The following MACROD2 variants were observed in gnomAD, a reference collection of about 807,000 sequenced individuals.
MACROD2 encodes the protein ADP-ribose glycohydrolase MACROD2.
MACROD2 carries 36 observed loss-of-function variants against 70.4 expected under a neutral mutation model. The ratio of observed to expected loss-of-function variants is 0.51; its 90% CI spans 0.39 to 0.68. The LOEUF is 0.68. Among genes scored for constraint, MACROD2 ranks in the 30% least tolerant of loss-of-function variants. MACROD2 has a pLI of 0.00. For synonymous variants in MACROD2, 172 were observed against 178.8 expected, an observed-to-expected ratio of 0.96 and a Z score of 0.30; for missense variants, 496 against 538.4, an observed-to-expected ratio of 0.92 and a Z score of 0.78.
At chr20:15,905,815 C>T (rs1601101838) in intron 10 of MACROD2, among the ~76,000 whole-genome samples, 2 of 152,242 alleles carry the variant, frequency 1.3e-5, no homozygotes, top group East Asian at 3.9e-4. Context: ...GGATTCACGC[C>T]ACACTCTCCT....
chr20:15,723,400 A>C (rs188514852), intron 8 of MACROD2, among the ~76,000 whole-genome samples: 160 of 152,318 alleles, frequency 1.1e-3, no homozygotes, highest in Admixed American at 5.6e-3. Context: ...TATCTTACAG[A>C]GTATTTTCAC....
intron 5 of MACROD2, among the ~76,000 whole-genome samples, chr20:14,977,014 A>T (rs2074746213): frequency 6.6e-6 from 1 of 152,210 alleles, no homozygotes; most frequent in African/African-American, 2.4e-5. Flanking sequence ...TTTCTCTAAA[A>T]TCAATGATCA....
intron 3 of MACROD2, among the ~76,000 whole-genome samples, chr20:14,211,274 T>C (rs867105289): frequency 6.6e-6 from 1 of 152,194 alleles, no homozygotes; most frequent in African/African-American, 2.4e-5. Flanking sequence ...TTATTTCACC[T>C]TTGTAAGCCT....
Position 15,534,529 on chromosome 20 carries a change from A to G in MACROD2, c.645+34682A>G, listed in dbSNP as rs2047847978. On this transcript the variant is annotated intron_variant, in intron 8 of 17. Coordinates refer to ENST00000684519, the MANE Select transcript of MACROD2 (RefSeq NM_001351661.2). The stretch of plus-strand genomic sequence containing the variant: ...CCCTTACAGGCTCTTTCTTGACTGA[A>G]CAAAAGTAATTTATGCTTTTTTTTT... Among the ~76,000 whole-genome samples, 3 of 152,216 alleles carry G rather than the reference A, an allele frequency of 2.0e-5. No individual in the cohort carries two copies. The South Asian group carries it at 6.2e-4, about 32-fold the overall frequency.
At chr20:14,137,588 A>G (rs2054816220) in intron 3 of MACROD2, among the ~76,000 whole-genome samples, 1 of 152,198 alleles carries the variant, frequency 6.6e-6, no homozygotes, top group African/African-American at 2.4e-5. Context: ...CATGAAAATA[A>G]GAGAAATCAT....
intron 17 of MACROD2, among the ~76,000 whole-genome samples, chr20:16,046,675 CTTTTTTTT>C (rs557907668): frequency 5.8e-4 from 50 of 85,506 alleles, no homozygotes; most frequent in African/African-American, 2.4e-3. Context: ...GGTGTCAAAA[CTTTTTTTT>C]TTTTTTTTTT....
At chr20:14,685,244 A>T (rs1940033440) in intron 5 of MACROD2, among the ~76,000 whole-genome samples, 1 of 152,134 alleles carries the variant, frequency 6.6e-6, no homozygotes, top group African/African-American at 2.4e-5. Context: ...AAGGGAAATA[A>T]AAACATGAGC....
In MACROD2 at chr20:15,029,060, A is replaced by G. The variant is rs561604501; in HGVS notation, c.419-200880A>G. Among the ~76,000 whole-genome samples, 4 of 152,292 alleles carry G rather than the reference A, an allele frequency of 2.6e-5. No homozygotes were observed. In the South Asian group the frequency reaches 6.2e-4, roughly 24 times the overall value. On this transcript the variant is annotated intron_variant, in intron 5 of 17. Transcript: ENST00000684519. The stretch of plus-strand genomic sequence containing the variant: ...ATGTTGGCCTGCTGGCTCACAGGGC[A>G]TGGGGAGCAAGTTCACATAAGGCAG...
In MACROD2 at chr20:14,713,175, T is replaced by C. The variant is rs114867068; in HGVS notation, c.418+28216T>C. 4.6e-3 allele frequency among the ~76,000 whole-genome samples: 694 copies of C among 152,174 alleles called. 1 individual carries two copies. Among genetic ancestry groups the C allele is most frequent in the African/African-American group, 0.016 (669 of 41,512 alleles). On this transcript the variant is annotated intron_variant, in intron 5 of 17. Transcript: ENST00000684519. Reference sequence around the variant, plus strand: ...TACATGTGCCTTAGAGTAGAGGTAATTGGAAGACTTGAGGAGAAATTACTC... The same window carrying C: ...TACATGTGCCTTAGAGTAGAGGTAACTGGAAGACTTGAGGAGAAATTACTC...
intron 6 of MACROD2, among the ~76,000 whole-genome samples, chr20:15,284,782 A>G (rs1323043566): frequency 3.3e-5 from 5 of 152,226 alleles, no homozygotes; most frequent in Non-Finnish European, 7.3e-5. Context: ...CACTGGCTGT[A>G]TACCCTTGCC....
intron 5 of MACROD2, among the ~76,000 whole-genome samples, chr20:14,988,424 T>TG (rs1157400213): frequency 6.6e-6 from 1 of 151,460 alleles, no homozygotes; most frequent in Admixed American, 6.6e-5. Flanking sequence ...CCTGTGTTTA[T>TG]GGGGAACAGT....
chr20:15,973,189 C>G (rs2066256688), intron 13 of MACROD2, among the ~76,000 whole-genome samples: 1 of 151,770 alleles, frequency 6.6e-6, no homozygotes. Context: ...ATTGATATCT[C>G]TATATTTTGT....
At chr20:15,244,342 G>C (rs1040393719) in intron 6 of MACROD2, among the ~76,000 whole-genome samples, 1 of 152,156 alleles carries the variant, frequency 6.6e-6, no homozygotes. Context: ...AAGTACACTA[G>C]CCATAGTAAG....
intron 5 of MACROD2, among the ~76,000 whole-genome samples, chr20:15,206,521 C>A (rs1038964670): frequency 6.6e-6 from 1 of 151,846 alleles, no homozygotes; most frequent in Admixed American, 6.6e-5. Flanking sequence ...TCCATCACAT[C>A]AGAAAGCATT....
chr20:14,821,113 T>C (rs998280089), intron 5 of MACROD2, among the ~76,000 whole-genome samples: 1 of 152,124 alleles, frequency 6.6e-6, no homozygotes, highest in African/African-American at 2.4e-5. Context: ...CATAAATAGA[T>C]GCCTTTCATA....
chr20:15,769,883 G>A (rs1161648222), intron 8 of MACROD2, among the ~76,000 whole-genome samples: 1 of 152,072 alleles, frequency 6.6e-6, no homozygotes, highest in Non-Finnish European at 1.5e-5. Flanking sequence ...CATCCTGAGA[G>A]TATTTTTTGT....
At chr20:15,931,005 G>A (rs984121519) in intron 10 of MACROD2, among the ~76,000 whole-genome samples, 3 of 152,150 alleles carry the variant, frequency 2.0e-5, no homozygotes, top group Non-Finnish European at 4.4e-5. Context: ...AAGGAAGCTT[G>A]TCACCTGCAA....
At chr20:15,495,154 C>T (rs2047281268) in intron 7 of MACROD2, among the ~76,000 whole-genome samples, 2 of 152,176 alleles carry the variant, frequency 1.3e-5, no homozygotes, top group African/African-American at 4.8e-5. Context: ...CCCCTGGTGA[C>T]CAGAATATGT....
intron 8 of MACROD2, among the ~76,000 whole-genome samples, chr20:15,778,415 A>C (rs2051768959): frequency 6.6e-6 from 1 of 152,068 alleles, no homozygotes; most frequent in African/African-American, 2.4e-5. Flanking sequence ...TTACTCTTTA[A>C]AATTTTTTAA....
Sources: gnomAD v4.1 joint callset for allele counts (sites outside exome capture counted in the v4.1 genomes callset) on GRCh38, gnomAD v4.1.1 for gene constraint, MANE v1.5 for transcripts, NCBI Gene and HGNC (gene_info 2026-07-23, HGNC 2026-07-21) for gene names.